The following IGSF21 variants were observed in gnomAD, a reference collection of about 807,000 sequenced individuals.
IGSF21 encodes the protein immunoglobin superfamily member 21, also known as immunoglobulin superfamily member 21.
In IGSF21, 28 loss-of-function variants were observed where a neutral mutation model predicts 46.8. The observed-to-expected ratio is 0.60, with a 90% CI of 0.44 to 0.82. The LOEUF (loss-of-function observed/expected upper bound fraction) is 0.82. IGSF21 is among the 40% of genes least tolerant of loss of function. IGSF21 has a pLI of 0.00. For missense variants in IGSF21, 624 were observed against 665.5 expected (o/e 0.94, Z 0.69); for synonymous variants, 284 against 273.6 (o/e 1.04, Z -0.38).
At chr1:18,193,097 G>C (rs905741724) in intron 1 of IGSF21, among the ~76,000 whole-genome samples, 4 of 152,012 alleles carry the variant, frequency 2.6e-5, no homozygotes, top group African/African-American at 9.7e-5. Context: ...CACAGGGAAG[G>C]GGGTGAGGGC....
At chr1:18,114,056 G>C (rs2086165555) in intron 1 of IGSF21, 1 of 152,196 alleles carries the variant, frequency 6.6e-6, no homozygotes, top group Non-Finnish European at 1.5e-5. Context: ...ACCTCTCTAG[G>C]TGTGATGACC....
intron 1 of IGSF21, among the ~76,000 whole-genome samples, chr1:18,190,096 T>C (rs2086940846): frequency 6.6e-6 from 1 of 152,178 alleles, no homozygotes; most frequent in Admixed American, 6.5e-5. Context: ...GGAATTGCCC[T>C]TGAAGGTCAC....
intron 1 of IGSF21, among the ~76,000 whole-genome samples, chr1:18,148,427 C>G (rs80091963): frequency 0.01 from 1,575 of 152,262 alleles, 23 homozygotes; most frequent in African/African-American, 0.036. Flanking sequence ...CCACCATGCC[C>G]GGCCTCAAGT....
At chr1:18,171,269 T>A (rs909114734) in intron 1 of IGSF21, among the ~76,000 whole-genome samples, 1 of 151,822 alleles carries the variant, frequency 6.6e-6, no homozygotes, top group African/African-American at 2.4e-5. Context: ...TCCTCCCAAA[T>A]GAAGACTCAT....
intron 1 of IGSF21, among the ~76,000 whole-genome samples, chr1:18,202,888 A>C (rs904189555): frequency 6.6e-6 from 1 of 152,214 alleles, no homozygotes; most frequent in Non-Finnish European, 1.5e-5. Flanking sequence ...GGCACAGACT[A>C]TGCATCCCCT....
chr1:18,256,055 C>T (rs2084889496), intron 2 of IGSF21, among the ~76,000 whole-genome samples: 1 of 152,198 alleles, frequency 6.6e-6, no homozygotes, highest in Admixed American at 6.5e-5. Context: ...CCTCTGCCCA[C>T]CCTGCACCCC....
intron 1 of IGSF21, among the ~76,000 whole-genome samples, chr1:18,220,051 C>G (rs1424187649): frequency 1.3e-5 from 2 of 152,176 alleles, no homozygotes; most frequent in African/African-American, 4.8e-5. Flanking sequence ...CCTGAGTCTG[C>G]TGGTTCTGGC....
chr1:18,223,772 A>C (rs2084535016), intron 1 of IGSF21, among the ~76,000 whole-genome samples: 1 of 152,180 alleles, frequency 6.6e-6, no homozygotes, highest in South Asian at 2.1e-4. Flanking sequence ...GCTGCTGAAA[A>C]AATGGGAGTG....
chr1:18,273,804 G>C (rs1041445825), intron 2 of IGSF21, among the ~76,000 whole-genome samples: 1 of 152,024 alleles, frequency 6.6e-6, no homozygotes, highest in African/African-American at 2.4e-5. Context: ...GACGAGGTGG[G>C]AGGGAAAACA....
intron 4 of IGSF21, among the ~76,000 whole-genome samples, chr1:18,342,926 A>G (rs2085857684): frequency 6.6e-6 from 1 of 152,210 alleles, no homozygotes; most frequent in Non-Finnish European, 1.5e-5. Flanking sequence ...GTGAATGTGT[A>G]GTTTCAGTTC....
At chr1:18,343,208 C>T (rs1387840136) in intron 4 of IGSF21, among the ~76,000 whole-genome samples, 7 of 152,190 alleles carry the variant, frequency 4.6e-5, no homozygotes, top group Admixed American at 6.5e-5. Flanking sequence ...TGACACTGTA[C>T]GTCCTTTCCT....
chr1:18,248,890 A>G (rs2084809551), intron 2 of IGSF21, among the ~76,000 whole-genome samples: 1 of 152,130 alleles, frequency 6.6e-6, no homozygotes, highest in African/African-American at 2.4e-5. Context: ...ATGGAGGGGT[A>G]CATAGCATGG....
intron 6 of IGSF21, among the ~76,000 whole-genome samples, chr1:18,366,589 G>A (rs572387476): frequency 1.3e-5 from 2 of 152,298 alleles, no homozygotes; most frequent in Non-Finnish European, 2.9e-5. Flanking sequence ...GCTGGATCGG[G>A]TTCGAGAATT....
At chr1:18,329,689 C>G (rs184055097) in intron 3 of IGSF21, among the ~76,000 whole-genome samples, 1 of 152,092 alleles carries the variant, frequency 6.6e-6, no homozygotes, top group Admixed American at 6.6e-5. Flanking sequence ...GAATGTAGAG[C>G]CTATAGAGCT....
intron 1 of IGSF21, among the ~76,000 whole-genome samples, chr1:18,226,917 C>G (rs1422968806): frequency 6.6e-6 from 1 of 152,202 alleles, no homozygotes; most frequent in Non-Finnish European, 1.5e-5. Flanking sequence ...GGTGAAGGTC[C>G]AGGCCTCTGG....
intron 2 of IGSF21, among the ~76,000 whole-genome samples, chr1:18,262,943 C>G (rs1454915604): frequency 1.3e-5 from 2 of 152,200 alleles, no homozygotes; most frequent in Non-Finnish European, 2.9e-5. Flanking sequence ...TGGCCGCTTC[C>G]CCTTCCCCAC....
At chr1:18,120,323 T>C (rs2086224303) in intron 1 of IGSF21, among the ~76,000 whole-genome samples, 1 of 152,094 alleles carries the variant, frequency 6.6e-6, no homozygotes, top group Non-Finnish European at 1.5e-5. Context: ...CAGCCAACTC[T>C]TGGGGGCCTG....
At chr1:18,326,480 A>C (rs769131266) in intron 3 of IGSF21, among the ~76,000 whole-genome samples, 7 of 152,234 alleles carry the variant, frequency 4.6e-5, no homozygotes, top group Non-Finnish European at 1.0e-4. Flanking sequence ...TTTCCATGCA[A>C]ACAATGGTTA....
At chr1:18,326,169 C>A (rs192470431) in intron 3 of IGSF21, among the ~76,000 whole-genome samples, 2 of 152,358 alleles carry the variant, frequency 1.3e-5, no homozygotes, top group East Asian at 3.9e-4. Context: ...CGGCTCTGTC[C>A]AGGTGGAGCA....
Sources: gnomAD v4.1 joint callset for allele counts (sites outside exome capture counted in the v4.1 genomes callset) on GRCh38, gnomAD v4.1.1 for gene constraint, MANE v1.5 for transcripts, NCBI Gene and HGNC (gene_info 2026-07-23, HGNC 2026-07-21) for gene names.